FOXN3: variants seen among roughly 807,000 people sequenced by gnomAD.
The protein encoded by FOXN3 is forkhead box N3.
FOXN3 carries 7 observed loss-of-function variants against 38.4 expected under a neutral mutation model. That is an observed-to-expected ratio of 0.18 (90% CI 0.10 to 0.34). The LOEUF (loss-of-function observed/expected upper bound fraction) is 0.34, where lower values mean the gene tolerates loss of function less well. FOXN3 is among the 10% of genes least tolerant of loss of function. The pLI is 1.00. For missense variants in FOXN3, 456 were observed against 613.4 expected, an observed-to-expected ratio of 0.74 and a Z score of 2.71; for synonymous variants, 230 against 242.2, an observed-to-expected ratio of 0.95 and a Z score of 0.47.
chr14:89,509,107 ACCT>A (rs1467008270), intron 1 of FOXN3, among the ~76,000 whole-genome samples: 1 of 149,662 alleles, frequency 6.7e-6, no homozygotes, highest in African/African-American at 2.5e-5. Context: ...ACCCACCCTG[ACCT>A]CCCTGATAGT....
At chr14:89,565,066 C>T (rs1373050600) in intron 1 of FOXN3, among the ~76,000 whole-genome samples, 1 of 136,488 alleles carries the variant, frequency 7.3e-6, no homozygotes, top group East Asian at 2.2e-4. Context: ...TGCACTCCAG[C>T]CTGGATGACA....
chr14:89,362,121 CACCTCCACCACT>C (rs1322555366), intron 2 of FOXN3, among the ~76,000 whole-genome samples: 1 of 31,386 alleles, frequency 3.2e-5, no homozygotes, highest in Admixed American at 2.4e-4. Flanking sequence ...CCTCCACCAC[CACCTCCACCACT>C]ACCACCTCCA....
chr14:89,354,506 C>T (rs1385216075), intron 2 of FOXN3, among the ~76,000 whole-genome samples: 5 of 140,950 alleles, frequency 3.5e-5, no homozygotes, highest in Non-Finnish European at 4.6e-5. Context: ...GGATTACAGG[C>T]GTGAGCCACT....
At chr14:89,498,779 G>A (rs1291314490) in intron 1 of FOXN3, among the ~76,000 whole-genome samples, 1 of 147,268 alleles carries the variant, frequency 6.8e-6, no homozygotes, top group African/African-American at 2.5e-5. Flanking sequence ...TTGGTGGTGG[G>A]CTGCACACAG....
chr14:89,407,514 T>C (rs1891424366), intron 2 of FOXN3, among the ~76,000 whole-genome samples: 1 of 152,194 alleles, frequency 6.6e-6, no homozygotes, highest in African/African-American at 2.4e-5. Flanking sequence ...AATGTTTGAA[T>C]TGTAAATGTC....
chr14:89,539,391 A>G (rs1176810724), intron 1 of FOXN3, among the ~76,000 whole-genome samples: 2 of 152,192 alleles, frequency 1.3e-5, no homozygotes, highest in African/African-American at 4.8e-5. Context: ...TGTTCTGAAA[A>G]ACACAGAAAA....
At chr14:89,401,679 A>C (rs1421188035) in intron 2 of FOXN3, 2 of 455,780 alleles carry the variant, frequency 4.4e-6, no homozygotes, top group Admixed American at 4.7e-5. Context: ...CCTTCTAAAA[A>C]CAAAGCATGT....
chr14:89,420,218 A>G (rs1891866682), upstream of FOXN3, among the ~76,000 whole-genome samples: 1 of 152,214 alleles, frequency 6.6e-6, no homozygotes, highest in South Asian at 2.1e-4. Context: ...AACTGCCTCA[A>G]GCCTTCCATG....
rs187835065 is a variant in FOXN3 at position 89,393,829 on chromosome 14, G to T, written c.543+18105C>A. On this transcript the variant is annotated intron_variant, in intron 2 of 5. Transcript: ENST00000557258. ...GCAAAAGTAGAGGAGAAAGAGCCCA[G>T]AGGTACAACTTGTCTAGAGCAGGAA... 7.9e-5 allele frequency among the ~76,000 whole-genome samples: 12 copies of T among 152,366 alleles called. No individual in the cohort carries two copies. The East Asian group carries it at 2.1e-3, about 27-fold the overall frequency.
At chr14:89,539,600 T>C (rs1894757299) in intron 1 of FOXN3, among the ~76,000 whole-genome samples, 1 of 152,222 alleles carries the variant, frequency 6.6e-6, no homozygotes, top group African/African-American at 2.4e-5. Context: ...GTGACTTGAC[T>C]TAAAAATTGC....
Position 89,162,708 on chromosome 14 carries a change from C to A in FOXN3, c.1113G>T (p.Thr371=). The A allele has an allele frequency of 6.2e-7, 1 of 1,613,998 alleles. No homozygotes were observed. The highest frequency in any genetic ancestry group is 1.7e-5 in the Admixed American group (1 of 60,012). ...SFRSHESPSD[T]EEDDRKHSQK... ...GGCTGTGCTTCCTGTCGTCCTCTTC[C>A]GTGTCGCTGGGGCTCTCGTGGCTCC... is the stretch of plus-strand genomic sequence containing the variant. The change falls in exon 6 of 6, where the codon ACG becomes ACT. Residue 371 remains threonine (T), a synonymous_variant. Transcript: ENST00000557258. This position sits in a 1 kb window ranked among gnomAD's most constrained non-coding sequence, Gnocchi z 7.2.
At chr14:89,320,639 TCA>T (rs1887869920) in intron 3 of FOXN3, among the ~76,000 whole-genome samples, 1 of 152,128 alleles carries the variant, frequency 6.6e-6, no homozygotes, top group Non-Finnish European at 1.5e-5. Context: ...CTCATCACAC[TCA>T]GGGGAATGAG....
At chr14:89,497,393 T>C (rs912502809) in intron 1 of FOXN3, among the ~76,000 whole-genome samples, 1 of 148,044 alleles carries the variant, frequency 6.8e-6, no homozygotes, top group African/African-American at 2.5e-5. Context: ...TGAACATGAA[T>C]GTATAAATAT....
chr14:89,384,983 T>A (rs1252089026), intron 2 of FOXN3, among the ~76,000 whole-genome samples: 1 of 152,198 alleles, frequency 6.6e-6, no homozygotes, highest in Non-Finnish European at 1.5e-5. Context: ...CTGGAGATTA[T>A]GTCTCTCCCC....
At chr14:89,253,318 G>C (rs1419585078) in intron 4 of FOXN3, among the ~76,000 whole-genome samples, 3 of 152,358 alleles carry the variant, frequency 2.0e-5, no homozygotes, top group East Asian at 1.9e-4. Context: ...TTCTGGAAGA[G>C]TGAATTCAAG....
chr14:89,608,430 G>C (rs112713941), intron 1 of FOXN3, among the ~76,000 whole-genome samples: 6,130 of 152,256 alleles, frequency 0.04, 192 homozygotes, highest in African/African-American at 0.092. Context: ...GTGGGCCACC[G>C]CGCCCGGCCT....
chr14:89,398,648 A>G (rs1891161919), intron 2 of FOXN3, among the ~76,000 whole-genome samples: 1 of 152,162 alleles, frequency 6.6e-6, no homozygotes, highest in Non-Finnish European at 1.5e-5. Flanking sequence ...CAGAGGGAAA[A>G]AGAAAGCACA....
intron 1 of FOXN3, among the ~76,000 whole-genome samples, chr14:89,476,102 A>G (rs1378207005): frequency 1.3e-5 from 2 of 152,108 alleles, no homozygotes; most frequent in African/African-American, 4.8e-5. Flanking sequence ...AGGAATAAAC[A>G]CTGAGGAATG....
intron 4 of FOXN3, among the ~76,000 whole-genome samples, chr14:89,228,108 C>CA (rs1334738330): frequency 6.6e-6 from 1 of 152,232 alleles, no homozygotes; most frequent in African/African-American, 2.4e-5. Flanking sequence ...AAGCTGCACC[C>CA]AGCCTCCTAA....
Sources: gnomAD v4.1 joint callset for allele counts (sites outside exome capture counted in the v4.1 genomes callset) on GRCh38, gnomAD v4.1.1 for gene constraint, Gnocchi (gnomAD v3.1) non-coding constraint, MANE v1.5 for transcripts, NCBI Gene and HGNC (gene_info 2026-07-23, HGNC 2026-07-21) for gene names.